Variants in ALDH1A2 observed in about 807,000 individuals in gnomAD.
ALDH1A2 encodes retinal dehydrogenase 2.
A neutral mutation model predicts 60.3 loss-of-function variants in ALDH1A2; 27 were observed. The observed-to-expected ratio is 0.45, with a 90% CI of 0.33 to 0.62. The LOEUF is 0.62. Ranked by LOEUF, ALDH1A2 falls within the 20% of genes least tolerant of loss-of-function variation. The probability of loss-of-function intolerance (pLI) is 0.02; values close to 1 mark genes in which losing one functional copy is unlikely to be tolerated. For missense variants in ALDH1A2, 581 were observed against 643.8 expected, an observed-to-expected ratio of 0.90 and a Z score of 1.06; for synonymous variants, 289 against 232.4, an observed-to-expected ratio of 1.24 and a Z score of -2.21.
intron 1 of ALDH1A2, among the ~76,000 whole-genome samples, chr15:58,045,934 C>T (rs1444087832): frequency 6.6e-6 from 1 of 152,004 alleles, no homozygotes; most frequent in African/African-American, 2.4e-5. Flanking sequence ...ACACTCCACA[C>T]ATGCATTTGA....
intron 7 of ALDH1A2, among the ~76,000 whole-genome samples, chr15:57,981,293 C>CACACACAA (rs1894496806): frequency 7.4e-6 from 1 of 135,262 alleles, no homozygotes; most frequent in African/African-American, 3.4e-5. Flanking sequence ...AGAGCAAACA[C>CACACACAA]ACACACACAC....
chr15:57,988,139 T>C (rs1050098639), intron 7 of ALDH1A2, among the ~76,000 whole-genome samples: 3 of 152,108 alleles, frequency 2.0e-5, no homozygotes, highest in African/African-American at 7.2e-5. Context: ...ACAGCAGCAA[T>C]GTATTGTGGG....
At chr15:58,007,620 T>C (rs889569753) in intron 4 of ALDH1A2, among the ~76,000 whole-genome samples, 29 of 152,036 alleles carry the variant, frequency 1.9e-4, no homozygotes, top group African/African-American at 4.3e-4. Flanking sequence ...CAGAATCACA[T>C]AGATATTGTA....
At chr15:57,986,780 C>T (rs1381908228) in intron 7 of ALDH1A2, among the ~76,000 whole-genome samples, 1 of 152,178 alleles carries the variant, frequency 6.6e-6, no homozygotes, top group East Asian at 1.9e-4. Context: ...TCAAGGAATT[C>T]TCCTGCCTCA....
intron 1 of ALDH1A2, among the ~76,000 whole-genome samples, chr15:58,026,044 C>T (rs1399533821): frequency 6.6e-6 from 1 of 152,152 alleles, no homozygotes; most frequent in Non-Finnish European, 1.5e-5. Flanking sequence ...ACATCCAAAC[C>T]ATATCAAGGG....
chr15:57,994,987 A>G, intron 5 of ALDH1A2, 91 bp downstream of exon 5: 1 of 1,268,296 alleles, frequency 7.9e-7, no homozygotes, highest in Admixed American at 1.7e-5. Flanking sequence ...CAGTAATGGA[A>G]AACACACATC....
rs74017086 is a variant in ALDH1A2, at chr15:57,969,326, A to G, written c.799-3499T>C. On this transcript the variant is annotated intron_variant, in intron 7 of 12. Coordinates refer to ENST00000249750, the MANE Select transcript of ALDH1A2 (RefSeq NM_003888.4). ...GGCTTTGCAGTCCACTAGAAAAAAA[A>G]ATCTGGGTCTCATTTAATATTAGAT... Among the ~76,000 whole-genome samples the G allele has an allele frequency of 2.4e-3, 373 of 152,318 alleles. 2 individuals are homozygous for G. The highest frequency in any genetic ancestry group is 8.6e-3 in the African/African-American group (357 of 41,568).
chr15:58,018,733 C>A (rs1404511391), intron 1 of ALDH1A2, among the ~76,000 whole-genome samples: 3 of 152,052 alleles, frequency 2.0e-5, no homozygotes, highest in African/African-American at 7.2e-5. Flanking sequence ...GGTAATCTTA[C>A]CCAAAAGGCA....
rs754819517 is a variant in ALDH1A2, at chr15:57,955,238, C to T, written c.1516G>A (p.Val506Ile). 1.9e-6 allele frequency: 3 copies of T among 1,614,132 alleles called. No homozygotes were observed. The highest frequency in any genetic ancestry group is 2.5e-6 in the Non-Finnish European group (3 of 1,180,018). The part of the protein sequence containing the change: ...GEFGLREYSE[V>I]KTVTVKIPQK... ...GGGATCTTTACTGTCACCGTCTTAA[C>T]TTCTGAGTACTCCCGCAAGCCAAAT... The change falls in exon 13 of 13, where the codon GTT becomes ATT. Residue 506 changes from valine (V) to isoleucine (I), a missense_variant. Val to Ile is a conservative substitution (Grantham distance 29). Around this residue, in one of 2 missense-constraint regions of ALDH1A2, gnomAD observed 375 missense variants for 469.7 expected, o/e 0.80. Transcript: ENST00000249750.
chr15:57,976,329 C>T (rs1894255216), intron 7 of ALDH1A2, among the ~76,000 whole-genome samples: 1 of 152,096 alleles, frequency 6.6e-6, no homozygotes, highest in Admixed American at 6.5e-5. Context: ...GATACATGTG[C>T]AGAAAGTGGA....
At chr15:58,005,798 A>G (rs1895430088) in intron 4 of ALDH1A2, among the ~76,000 whole-genome samples, 1 of 151,842 alleles carries the variant, frequency 6.6e-6, no homozygotes, top group Non-Finnish European at 1.5e-5. Context: ...CCCTTTACCC[A>G]TATGATTAGG....
At chr15:57,983,234 C>G (rs1490368115) in intron 7 of ALDH1A2, among the ~76,000 whole-genome samples, 2 of 152,174 alleles carry the variant, frequency 1.3e-5, no homozygotes, top group African/African-American at 2.4e-5. Context: ...TTACAAAGTG[C>G]TGATTCTTTA....
chr15:57,961,717 G>GACT (rs1177026397), intron 10 of ALDH1A2, among the ~76,000 whole-genome samples: 1 of 152,164 alleles, frequency 6.6e-6, no homozygotes, highest in Non-Finnish European at 1.5e-5. Flanking sequence ...CCACATTTAG[G>GACT]AGAGCCGAAC....
intron 7 of ALDH1A2, among the ~76,000 whole-genome samples, chr15:57,970,055 G>GGAGT (rs1894012535): frequency 6.6e-6 from 1 of 152,174 alleles, no homozygotes; most frequent in South Asian, 2.1e-4. Flanking sequence ...GTTAATTGAA[G>GGAGT]GAGTTAAAAA....
At position 58,055,780 on chromosome 15, in the gene ALDH1A2, A is replaced by T. The variant is rs559564585; in HGVS notation, c.117+9754T>A. Among the ~76,000 whole-genome samples, 11 of 152,256 alleles carry T rather than the reference A, an allele frequency of 7.2e-5. 1 individual carries two copies. The South Asian group carries it at 2.3e-3, about 32-fold the overall frequency. On this transcript the variant is annotated intron_variant, in intron 1 of 12. Coordinates refer to ENST00000249750, the MANE Select transcript of ALDH1A2 (RefSeq NM_003888.4). ...CTTTGGGTTTAGAACTTAAGTTAAA[A>T]TGTTAACAAAATAAGAAGTAATGTT...
intron 9 of ALDH1A2, among the ~76,000 whole-genome samples, chr15:57,962,496 A>T (rs760930097): frequency 6.6e-6 from 1 of 152,244 alleles, no homozygotes; most frequent in Non-Finnish European, 1.5e-5. Context: ...TGTTCATATG[A>T]GGGAAAATTG....
At chr15:57,964,182 A>G in intron 8 of ALDH1A2, 113 bp from the exon 9 acceptor site, 1 of 1,066,680 alleles carries the variant, frequency 9.4e-7, no homozygotes, top group South Asian at 1.4e-5. Flanking sequence ...ACTGCATGAC[A>G]TAACCATGAA....
intron 1 of ALDH1A2, among the ~76,000 whole-genome samples, chr15:58,048,696 T>A (rs1896697847): frequency 6.6e-6 from 1 of 152,058 alleles, no homozygotes; most frequent in Non-Finnish European, 1.5e-5. Context: ...TACAGCAGGA[T>A]ACTCCCACAA....
rs566914957 is a variant in ALDH1A2 at position 58,019,854 on chromosome 15, T to C, written c.118-5573A>G. On this transcript the variant is annotated intron_variant, in intron 1 of 12. Coordinates refer to ENST00000249750, the MANE Select transcript of ALDH1A2 (RefSeq NM_003888.4). ...AATGTTATTTAAGTTCTGGGATACA[T>C]GTGCAGGACATGCAGGTTTGTTATG... is the stretch of plus-strand genomic sequence containing the variant. 1.2e-4 allele frequency among the ~76,000 whole-genome samples: 18 copies of C among 152,338 alleles called. No individual in the cohort carries two copies. The South Asian group carries it at 2.9e-3, about 25-fold the overall frequency.
Sources: gnomAD v4.1 joint callset for allele counts (sites outside exome capture counted in the v4.1 genomes callset) on GRCh38, gnomAD v4.1.1 for gene constraint, gnomAD v4.1.1 regional missense constraint, MANE v1.5 for transcripts, NCBI Gene and HGNC (gene_info 2026-07-23, HGNC 2026-07-21) for gene names.